Variants in IGFL2 observed in about 807,000 individuals in gnomAD.
IGFL2 encodes IGF like family member 2, also known as insulin growth factor-like family member 2.
IGFL2 carries 7 observed loss-of-function variants against 13.9 expected under a neutral mutation model. The ratio of observed to expected loss-of-function variants is 0.51; its 90% CI spans 0.29 to 0.95. The LOEUF is 0.95. Among genes scored for constraint, IGFL2 ranks in the 40% least tolerant of loss-of-function variants. The pLI, the probability that IGFL2 is intolerant of heterozygous loss-of-function variation, is 0.08. For missense variants in IGFL2, 138 were observed against 147.8 expected (o/e 0.93, Z 0.34); for synonymous variants, 55 against 55.8 (o/e 0.99, Z 0.07).
At chr19:46,094,954 T>C in the IGFL2 span, among the ~76,000 whole-genome samples, 1 of 152,208 alleles carries the variant, frequency 6.6e-6, no homozygotes, top group Non-Finnish European at 1.5e-5. Context: ...GCTGATTCCA[T>C]GTCTTTGCTA....
At chr19:46,140,948 A>G (rs955349316), upstream of IGFL2, among the ~76,000 whole-genome samples, 2 of 152,162 alleles carry the variant, frequency 1.3e-5, no homozygotes, top group African/African-American at 4.8e-5. Flanking sequence ...TGAAGTGGGA[A>G]GGGGGAAAGT....
the IGFL2 span, among the ~76,000 whole-genome samples, chr19:46,096,005 C>CT: frequency 1.3e-5 from 2 of 152,022 alleles, no homozygotes; most frequent in African/African-American, 2.4e-5. Context: ...TATATGGGCT[C>CT]TTTTTTGGTT....
the IGFL2 span, among the ~76,000 whole-genome samples, chr19:46,123,116 C>T: frequency 1.3e-5 from 2 of 150,746 alleles, no homozygotes; most frequent in Non-Finnish European, 2.9e-5. Flanking sequence ...CCAACAGCTA[C>T]AGGAATTTTT....
chr19:46,124,157 C>T, the IGFL2 span: 1 of 1,610,074 alleles, frequency 6.2e-7, no homozygotes, highest in Non-Finnish European at 8.5e-7. Context: ...ACAGGAGCGT[C>T]TGGGGGCAGA....
the IGFL2 span, among the ~76,000 whole-genome samples, chr19:46,079,499 C>T: frequency 2.0e-5 from 3 of 152,214 alleles, no homozygotes; most frequent in South Asian, 6.2e-4. Context: ...CCCTATAGCC[C>T]GAATGAGACC....
At chr19:46,093,383 A>G in the IGFL2 span, among the ~76,000 whole-genome samples, 1 of 152,262 alleles carries the variant, frequency 6.6e-6, no homozygotes, top group Admixed American at 6.5e-5. Flanking sequence ...TCAGAAAACT[A>G]GAAATATCAG....
chr19:46,176,457 C>T, the IGFL2 span, among the ~76,000 whole-genome samples: 1 of 152,068 alleles, frequency 6.6e-6, no homozygotes, highest in Non-Finnish European at 1.5e-5. Flanking sequence ...GAGAGAAACC[C>T]GCAGGGATCC....
chr19:46,160,172 A>G, intron 1 of IGFL2: 2 of 537,554 alleles, frequency 3.7e-6, no homozygotes, highest in East Asian at 6.2e-5. Context: ...TCTTAGAATC[A>G]TAAACGAAGA....
At chr19:46,145,872 A>C (rs971922902), upstream of IGFL2, among the ~76,000 whole-genome samples, 7 of 152,228 alleles carry the variant, frequency 4.6e-5, 1 homozygote, top group Middle Eastern at 3.4e-3. Flanking sequence ...AGTTTTTCAT[A>C]TACTCTGGAT....
the IGFL2 span, among the ~76,000 whole-genome samples, chr19:46,097,370 T>G: frequency 1.3e-5 from 2 of 152,238 alleles, no homozygotes; most frequent in African/African-American, 4.8e-5. Context: ...CTATCCTCTT[T>G]ATCATTTTTT....
At chr19:46,100,530 A>G in the IGFL2 span, among the ~76,000 whole-genome samples, 1 of 152,234 alleles carries the variant, frequency 6.6e-6, no homozygotes. Flanking sequence ...CATTTTACAT[A>G]AGATAACACA....
the IGFL2 span, chr19:46,136,780 C>G: frequency 3.1e-6 from 2 of 646,326 alleles, no homozygotes; most frequent in Non-Finnish European, 5.8e-6. Context: ...TCTGTCTCTC[C>G]AACCCGTTTG....
At chr19:46,106,568 G>A in the IGFL2 span, among the ~76,000 whole-genome samples, 1 of 152,140 alleles carries the variant, frequency 6.6e-6, no homozygotes, top group Admixed American at 6.5e-5. Context: ...GGTTGTGGAG[G>A]GAGGTATTGA....
At chr19:46,179,345 G>GT in the IGFL2 span, 1 of 157,506 alleles carries the variant, frequency 6.3e-6, no homozygotes, top group Non-Finnish European at 1.4e-5. Flanking sequence ...TGGTCATAGG[G>GT]TGGGGGGGGT....
At chr19:46,149,069 G>A in intron 1 of IGFL2, 1 of 1,554,272 alleles carries the variant, frequency 6.4e-7, no homozygotes, top group Non-Finnish European at 8.8e-7. Context: ...AGTGGACTGA[G>A]TTTTGTTGTG....
chr19:46,094,362 G>T, the IGFL2 span, among the ~76,000 whole-genome samples: 1 of 151,984 alleles, frequency 6.6e-6, no homozygotes, highest in East Asian at 1.9e-4. Context: ...AAAATATTTA[G>T]ATTGATTTTA....
chr19:46,124,527 G>A, the IGFL2 span: 57 of 1,287,716 alleles, frequency 4.4e-5, 4 homozygotes, highest in South Asian at 4.9e-4. Flanking sequence ...CAGGAGGCTG[G>A]AATAATGTTA....
chr19:46,082,720 C>A, the IGFL2 span, among the ~76,000 whole-genome samples: 2 of 151,724 alleles, frequency 1.3e-5, no homozygotes, highest in Admixed American at 1.3e-4. Flanking sequence ...ATCTTCTGGG[C>A]TGAAGTCGTG....
At chr19:46,095,920 A>C in the IGFL2 span, among the ~76,000 whole-genome samples, 5 of 151,152 alleles carry the variant, frequency 3.3e-5, no homozygotes, top group Non-Finnish European at 3.0e-5. Flanking sequence ...ACCATGCTGT[A>C]GCCTTGTCAT....
Sources: allele counts gnomAD v4.1 joint callset (sites outside exome capture counted in the v4.1 genomes callset), GRCh38; gene constraint gnomAD v4.1.1; transcripts MANE v1.5; gene names NCBI Gene and HGNC (gene_info 2026-07-23, HGNC 2026-07-21).